CPXM2: variants seen among roughly 807,000 people sequenced by gnomAD.
CPXM2 encodes the protein carboxypeptidase X, M14 family member 2, also known as inactive carboxypeptidase-like protein X2.
Under a neutral mutation model 86.1 loss-of-function variants are expected in CPXM2, and 66 were observed. The observed-to-expected ratio is 0.77, with a 90% CI of 0.63 to 0.94. CPXM2 has a LOEUF of 0.94. Among genes scored for constraint, CPXM2 ranks in the 40% least tolerant of loss-of-function variants. CPXM2 has a pLI of 0.00. For missense variants in CPXM2, 948 were observed against 1,026.3 expected, an observed-to-expected ratio of 0.92 and a Z score of 1.04; for synonymous variants, 388 against 400.2, an observed-to-expected ratio of 0.97 and a Z score of 0.36.
intron 4 of CPXM2, among the ~76,000 whole-genome samples, chr10:123,806,024 T>C (rs753070374): frequency 6.6e-6 from 1 of 152,228 alleles, no homozygotes; most frequent in Non-Finnish European, 1.5e-5. Context: ...CCTACTACTG[T>C]TGTGTGTAGT....
chr10:123,866,000 C>A lies in CPXM2; in HGVS notation c.404-3277G>T, dbSNP rs538483186. Among the ~76,000 whole-genome samples, 10 of 152,252 alleles carry A rather than the reference C, an allele frequency of 6.6e-5. No individual in the cohort carries two copies. The East Asian group carries it at 1.7e-3, about 27-fold the overall frequency. On this transcript the variant is annotated intron_variant, in intron 2 of 13. Coordinates refer to ENST00000241305, the MANE Select transcript of CPXM2 (RefSeq NM_198148.3). The surrounding 1 kb of genome is among the most constrained non-coding windows in gnomAD (Gnocchi z 4.7). ...TCCCTCTCAGCCACTCCTCCACCCC[C>A]ACACCACACACAGCCCTGGTTTCCA...
chr10:123,796,374 G>C (rs1488345233), intron 6 of CPXM2, among the ~76,000 whole-genome samples: 1 of 152,218 alleles, frequency 6.6e-6, no homozygotes, highest in African/African-American at 2.4e-5. Context: ...GTCTGAGGCA[G>C]ATTGAAAACA....
intron 3 of CPXM2, chr10:123,843,403 C>T: frequency 3.0e-6 from 1 of 330,716 alleles, no homozygotes; most frequent in Non-Finnish European, 5.8e-6. Context: ...TTTATTAACC[C>T]TATTTTTCCA....
chr10:123,841,284 C>G (rs949185349), intron 4 of CPXM2, among the ~76,000 whole-genome samples: 6 of 152,174 alleles, frequency 3.9e-5, no homozygotes, highest in African/African-American at 1.4e-4. Flanking sequence ...GCTCTACCTC[C>G]GTCTCCACAA....
intron 2 of CPXM2, among the ~76,000 whole-genome samples, chr10:123,921,928 C>T (rs1448479966): frequency 5.3e-5 from 8 of 151,924 alleles, no homozygotes; most frequent in Admixed American, 5.2e-4. Flanking sequence ...ATGTGTGATG[C>T]CTGATGCCTT....
chr10:123,768,484 G>A (rs370103790), intron 9 of CPXM2, 42 bp downstream of exon 9: 33 of 1,534,786 alleles, frequency 2.2e-5, no homozygotes, highest in Middle Eastern at 1.8e-4. Context: ...CTGGGGCCTC[G>A]CTGCCCATGT....
intron 3 of CPXM2, among the ~76,000 whole-genome samples, chr10:123,857,334 A>T (rs1275092255): frequency 6.6e-6 from 1 of 152,158 alleles, no homozygotes; most frequent in African/African-American, 2.4e-5. Context: ...TATTCCAGTA[A>T]AAGTTCCCAG....
intron 6 of CPXM2, among the ~76,000 whole-genome samples, chr10:123,790,743 TG>T (rs2134050943): frequency 6.6e-6 from 1 of 152,140 alleles, no homozygotes; most frequent in Non-Finnish European, 1.5e-5. Flanking sequence ...GCAGCAAGTG[TG>T]TCTATCTTAT....
chr10:123,898,191 A>G (rs916392784), intron 2 of CPXM2, among the ~76,000 whole-genome samples: 2 of 152,224 alleles, frequency 1.3e-5, no homozygotes, highest in Admixed American at 6.5e-5. Flanking sequence ...AATCTAATAA[A>G]TTCCTAGAAA....
chr10:123,751,862 G>A (rs1297932940), intron 13 of CPXM2: 10 of 985,264 alleles, frequency 1.0e-5, no homozygotes, highest in Non-Finnish European at 1.2e-5. Context: ...ATTATTTATA[G>A]AGGGGAAAAT....
At position 123,817,922 on chromosome 10, in the gene CPXM2, G is replaced by T. The variant is rs182290811; in HGVS notation, c.654-18723C>A. Among the ~76,000 whole-genome samples the T allele has an allele frequency of 1.9e-3, 292 of 152,328 alleles. 1 individual carries two copies. The highest frequency in any genetic ancestry group is 3.0e-3 in the Non-Finnish European group (205 of 68,028). On this transcript the variant is annotated intron_variant, in intron 4 of 13. Coordinates refer to ENST00000241305, the MANE Select transcript of CPXM2 (RefSeq NM_198148.3). ...GGCAGAACTTTGAGCAGTGTACCTG[G>T]TTGTGCACTTTGCCTGTAAGGAGAA...
At chr10:123,826,853 C>T (rs1230112500) in intron 4 of CPXM2, among the ~76,000 whole-genome samples, 1 of 151,934 alleles carries the variant, frequency 6.6e-6, no homozygotes, top group African/African-American at 2.4e-5. Flanking sequence ...AAAGACACAG[C>T]TCACAATAAG....
Position 123,928,731 on chromosome 10 carries a change from T to C in CPXM2, n.174+10746A>G, listed in dbSNP as rs138515602. 3.8e-3 allele frequency among the ~76,000 whole-genome samples: 583 copies of C among 152,334 alleles called. 4 individuals are homozygous for C. The highest frequency in any genetic ancestry group is 0.013 in the African/African-American group (559 of 41,572). ...TCAGGTAATAGCCAGCATCAAATGT[T>C]CAACATGAGTGAATGAGCCTTCAGA... On this transcript the variant is annotated intron_variant and non_coding_transcript_variant, in intron 2 of 19. Transcript: ENST00000368854.
chr10:123,791,382 A>C (rs547591354), intron 6 of CPXM2, among the ~76,000 whole-genome samples: 5 of 152,084 alleles, frequency 3.3e-5, no homozygotes, highest in Admixed American at 6.6e-5. Flanking sequence ...GCTCCACTGC[A>C]CTCCAGCCTG....
At chr10:123,877,753 A>T (rs959820956) in intron 2 of CPXM2, among the ~76,000 whole-genome samples, 1 of 152,216 alleles carries the variant, frequency 6.6e-6, no homozygotes, top group Non-Finnish European at 1.5e-5. Context: ...AACTTCTTAA[A>T]CTATTACAAA....
chr10:123,807,172 A>G (rs1434517828), intron 4 of CPXM2, among the ~76,000 whole-genome samples: 1 of 152,180 alleles, frequency 6.6e-6, no homozygotes, highest in Non-Finnish European at 1.5e-5. Context: ...ATGCCATACC[A>G]ACATACAGGA....
intron 13 of CPXM2, chr10:123,750,913 T>C: frequency 1.0e-6 from 1 of 985,436 alleles, no homozygotes; most frequent in Non-Finnish European, 1.2e-6. Context: ...CTTCTGTCTC[T>C]AACCACTGGA....
chr10:123,813,171 T>C (rs1308765834), intron 4 of CPXM2, among the ~76,000 whole-genome samples: 1 of 152,242 alleles, frequency 6.6e-6, no homozygotes, highest in African/African-American at 2.4e-5. Context: ...TCTTTGCTCT[T>C]GATTTCTTTA....
chr10:123,861,757 T>C, intron 3 of CPXM2, among the ~76,000 whole-genome samples: 1 of 152,092 alleles, frequency 6.6e-6, no homozygotes, highest in Admixed American at 6.5e-5. Flanking sequence ...CTCCCTACAG[T>C]CTCCAGAAAG....
Sources: allele counts gnomAD v4.1 joint callset (sites outside exome capture counted in the v4.1 genomes callset), GRCh38; gene constraint gnomAD v4.1.1; non-coding constraint Gnocchi (gnomAD v3.1); transcripts MANE v1.5; gene names NCBI Gene and HGNC (gene_info 2026-07-23, HGNC 2026-07-21).